KIFAP3: variants seen among roughly 807,000 people sequenced by gnomAD.
KIFAP3 encodes kinesin-associated protein 3.
KIFAP3 carries 68 observed loss-of-function variants against 106.5 expected under a neutral mutation model. The ratio of observed to expected loss-of-function variants is 0.64; its 90% CI spans 0.53 to 0.78. The LOEUF (loss-of-function observed/expected upper bound fraction) is 0.78. Ranked by LOEUF, KIFAP3 falls within the 30% of genes least tolerant of loss-of-function variation. The pLI is 0.00. For missense variants in KIFAP3, 780 were observed against 941.8 expected, an observed-to-expected ratio of 0.83 and a Z score of 2.25; for synonymous variants, 320 against 311.5, an observed-to-expected ratio of 1.03 and a Z score of -0.29.
intron 1 of KIFAP3, among the ~76,000 whole-genome samples, chr1:170,063,962 G>T (rs1671309752): frequency 6.6e-6 from 1 of 152,106 alleles, no homozygotes; most frequent in African/African-American, 2.4e-5. Context: ...TTAGAAAGGT[G>T]ATGCCCATCA....
chr1:170,016,720 A>C (rs1250849500), intron 9 of KIFAP3, 96 bp from the exon 10 acceptor site: 1 of 688,358 alleles, frequency 1.5e-6, no homozygotes, highest in Admixed American at 3.5e-5. Flanking sequence ...CCTAATGTAT[A>C]TCTGTTTTAT....
At chr1:170,012,680 T>C (rs1668299650) in intron 10 of KIFAP3, among the ~76,000 whole-genome samples, 1 of 151,958 alleles carries the variant, frequency 6.6e-6, no homozygotes, top group African/African-American at 2.4e-5. Flanking sequence ...AGCAGAGCCA[T>C]CATGTACGGG....
chr1:169,993,370 T>C (rs1459395276), intron 10 of KIFAP3, among the ~76,000 whole-genome samples: 1 of 151,278 alleles, frequency 6.6e-6, no homozygotes, highest in African/African-American at 2.4e-5. Context: ...TTGGCCTCCC[T>C]AAGTGCTGGG....
At chr1:169,965,855 G>A (rs1243597961) in intron 17 of KIFAP3, among the ~76,000 whole-genome samples, 1 of 151,812 alleles carries the variant, frequency 6.6e-6, no homozygotes, top group East Asian at 1.9e-4. Context: ...ATATCCATGA[G>A]CATCCATGAC....
At chr1:170,049,757 A>G (rs1173646627) in intron 2 of KIFAP3, among the ~76,000 whole-genome samples, 1 of 152,084 alleles carries the variant, frequency 6.6e-6, no homozygotes, top group Admixed American at 6.6e-5. Flanking sequence ...CTGGCTGTTG[A>G]TACAAAAACT....
chr1:169,971,873 A>G (rs970687540), intron 17 of KIFAP3, among the ~76,000 whole-genome samples: 1 of 151,978 alleles, frequency 6.6e-6, no homozygotes. Flanking sequence ...ATAATCGAGT[A>G]TCTGGTACAG....
intron 7 of KIFAP3, 131 bp from the exon 8 acceptor site, chr1:170,032,115 C>G: frequency 1.7e-6 from 1 of 591,372 alleles, no homozygotes; most frequent in Non-Finnish European, 3.0e-6. Context: ...AAAAGTTTAA[C>G]TAAAATGTTA....
chr1:170,043,705 G>A (rs1216367938), intron 3 of KIFAP3, among the ~76,000 whole-genome samples: 1 of 152,090 alleles, frequency 6.6e-6, no homozygotes. Flanking sequence ...TATAATGAAT[G>A]AAGAAAACAT....
rs534609207 is a variant in KIFAP3, at chr1:169,995,679, A to T, written c.1184-3424T>A. Among the ~76,000 whole-genome samples the T allele has an allele frequency of 2.8e-3, 426 of 152,266 alleles. 1 individual carries two copies. Among genetic ancestry groups the T allele is most frequent in the African/African-American group, 9.8e-3 (409 of 41,570 alleles). ...GAAACAGGAAGCTATTCTATACTCT[A>T]GGAGAATCTGTCTGCTGCTCATGTC... On this transcript the variant is annotated intron_variant, in intron 10 of 19. Coordinates refer to ENST00000361580, the MANE Select transcript of KIFAP3 (RefSeq NM_014970.4).
At chr1:169,945,736 T>G (rs1664409635) in intron 19 of KIFAP3, among the ~76,000 whole-genome samples, 1 of 152,188 alleles carries the variant, frequency 6.6e-6, no homozygotes, top group African/African-American at 2.4e-5. Context: ...CTTGAAATAT[T>G]TTTTCAACTC....
intron 6 of KIFAP3, among the ~76,000 whole-genome samples, chr1:170,034,911 C>A (rs984766373): frequency 3.3e-5 from 5 of 151,870 alleles, no homozygotes; most frequent in Admixed American, 2.6e-4. Context: ...CTAGACAATA[C>A]ATTAATCCAA....
chr1:170,065,343 G>T (rs1378788607), intron 1 of KIFAP3, among the ~76,000 whole-genome samples: 1 of 151,950 alleles, frequency 6.6e-6, no homozygotes, highest in East Asian at 1.9e-4. Flanking sequence ...GCCGGGCGCA[G>T]TGGCTCACGC....
At chr1:170,076,569 A>G (rs556265390), upstream of KIFAP3, among the ~76,000 whole-genome samples, 5 of 152,330 alleles carry the variant, frequency 3.3e-5, no homozygotes, top group South Asian at 8.3e-4. Flanking sequence ...CCCCACTTCC[A>G]CTGGAGGCAA....
intron 1 of KIFAP3, among the ~76,000 whole-genome samples, chr1:170,081,179 G>A (rs1672014678): frequency 1.3e-5 from 2 of 152,092 alleles, no homozygotes; most frequent in Admixed American, 6.5e-5. Context: ...ATGATATAAA[G>A]AGAACTATTA....
At position 170,042,249 on chromosome 1, in the gene KIFAP3, T is replaced by C. The variant is rs1267875474; in HGVS notation, c.320-2961A>G. 3.9e-5 allele frequency among the ~76,000 whole-genome samples: 6 copies of C among 152,176 alleles called. No homozygotes were observed. The East Asian group carries it at 1.2e-3, about 29-fold the overall frequency. ...TGCAAAACTGGGCAGCTTTCACCTA[T>C]GAACCCATGAAAACAAAGAAAATGG... On this transcript the variant is annotated intron_variant, in intron 3 of 19. Coordinates refer to ENST00000361580, the MANE Select transcript of KIFAP3 (RefSeq NM_014970.4).
At chr1:169,933,823 T>G (rs752089732) in intron 19 of KIFAP3, among the ~76,000 whole-genome samples, 1 of 152,102 alleles carries the variant, frequency 6.6e-6, no homozygotes, top group Non-Finnish European at 1.5e-5. Flanking sequence ...CAATAACTCC[T>G]AAATTTTCTT....
intron 1 of KIFAP3, among the ~76,000 whole-genome samples, chr1:170,063,431 T>C (rs1181662369): frequency 1.3e-5 from 2 of 152,180 alleles, no homozygotes; most frequent in South Asian, 2.1e-4. Context: ...CCTGCTATAA[T>C]ATCATCCCCA....
At chr1:170,064,635 T>G (rs146686754) in intron 1 of KIFAP3, among the ~76,000 whole-genome samples, 78 of 152,358 alleles carry the variant, frequency 5.1e-4, no homozygotes, top group Middle Eastern at 6.8e-3. Flanking sequence ...ATGACAGGCA[T>G]GAGCCAACAC....
intron 1 of KIFAP3, among the ~76,000 whole-genome samples, chr1:170,057,575 G>C (rs1278762600): frequency 6.8e-6 from 1 of 147,752 alleles, no homozygotes; most frequent in Non-Finnish European, 1.5e-5. Flanking sequence ...AATATACAAA[G>C]AGAGAATGAC....
Sources: allele counts gnomAD v4.1 joint callset (sites outside exome capture counted in the v4.1 genomes callset), GRCh38; gene constraint gnomAD v4.1.1; transcripts MANE v1.5; gene names NCBI Gene and HGNC (gene_info 2026-07-23, HGNC 2026-07-21).